Variants in TSPAN18 observed in about 807,000 individuals in gnomAD.
TSPAN18 encodes the protein tetraspanin-18.
A neutral mutation model predicts 27.3 loss-of-function variants in TSPAN18; 14 were observed. That is an observed-to-expected ratio of 0.51 (90% CI 0.34 to 0.80). The LOEUF is 0.80. TSPAN18 is among the 30% of genes least tolerant of loss of function. The pLI is 0.01. For missense variants in TSPAN18, 268 were observed against 323.9 expected (o/e 0.83, Z 1.32); for synonymous variants, 143 against 136.5 (o/e 1.05, Z -0.33).
At position 44,741,032 on chromosome 11, in the gene TSPAN18, TTCTCC is replaced by T. The variant is rs751656368; in HGVS notation, c.-240+13747_-240+13751del. On this transcript the variant is annotated intron_variant, in intron 1 of 9. Coordinates refer to ENST00000520358, the MANE Select transcript of TSPAN18 (RefSeq NM_130783.5). Reference sequence around the variant, plus strand: ...CGCATCACGGGAGTGGGGCTGCTTGTTCTCCTTTTAACTCCAGAGCCTCTGGGTCT... The same window carrying T: ...CGCATCACGGGAGTGGGGCTGCTTGTTTTTAACTCCAGAGCCTCTGGGTCT... 4.6e-5 allele frequency among the ~76,000 whole-genome samples: 7 copies of T among 152,328 alleles called. No individual in the cohort carries two copies. The South Asian group carries it at 1.5e-3, about 32-fold the overall frequency.
chr11:44,858,607 C>T (rs985447460), intron 2 of TSPAN18, among the ~76,000 whole-genome samples: 1 of 152,178 alleles, frequency 6.6e-6, no homozygotes, highest in South Asian at 2.1e-4. Flanking sequence ...AAGACTCCCC[C>T]CTCCATGGAT....
chr11:44,929,131 C>G lies in TSPAN18; in HGVS notation c.700C>G (p.Leu234Val). 7 of 1,613,330 alleles carry G rather than the reference C, an allele frequency of 4.3e-6. No individual in the cohort carries two copies. The highest frequency in any genetic ancestry group is 5.9e-6 in the Non-Finnish European group (7 of 1,179,998). Residue 234 changes from leucine (L) to valine (V), a missense_variant and splice_region_variant, in exon 10 of 10, where the codon CTT becomes GTT. By Grantham distance (32) the Leu-to-Val change is conservative. Transcript: ENST00000520358. ...TCCTGCTCTTTTTCTTTTTTTGCAG[C>G]TTTTCGCCATGATCTTTGCCATGTG... ...ALAIGVLAIE[L>V]FAMIFAMCLF...
chr11:44,896,548 G>A (rs1055148734), intron 3 of TSPAN18, among the ~76,000 whole-genome samples: 6 of 152,084 alleles, frequency 3.9e-5, no homozygotes, highest in South Asian at 4.1e-4. Flanking sequence ...GGTATGTTTA[G>A]GCCAAATAGG....
intron 2 of TSPAN18, among the ~76,000 whole-genome samples, chr11:44,824,388 G>A (rs1590534809): frequency 6.6e-6 from 1 of 152,354 alleles, no homozygotes; most frequent in East Asian, 1.9e-4. Context: ...GGGGCTGGGG[G>A]CAGGGATAGG....
chr11:44,850,323 C>T (rs1004127634), intron 2 of TSPAN18, among the ~76,000 whole-genome samples: 1 of 152,080 alleles, frequency 6.6e-6, no homozygotes, highest in East Asian at 1.9e-4. Context: ...CCAAGAGAAC[C>T]GATGACAATT....
chr11:44,790,065 G>T (rs1306618722), intron 2 of TSPAN18, among the ~76,000 whole-genome samples: 4 of 152,200 alleles, frequency 2.6e-5, no homozygotes. Flanking sequence ...GACATCATGG[G>T]CTTACTGCCC....
chr11:44,837,298 A>T (rs1055620368), intron 2 of TSPAN18, among the ~76,000 whole-genome samples: 1 of 152,208 alleles, frequency 6.6e-6, no homozygotes. Flanking sequence ...ACTTCAGTGG[A>T]GGAAGTAACT....
At chr11:44,729,091 G>C (rs565007801) in intron 1 of TSPAN18, among the ~76,000 whole-genome samples, 7 of 152,298 alleles carry the variant, frequency 4.6e-5, no homozygotes, top group Non-Finnish European at 7.4e-5. Flanking sequence ...ACATGTTTTT[G>C]TTGGATGCTA....
At chr11:44,802,349 G>A (rs1265487181) in intron 2 of TSPAN18, among the ~76,000 whole-genome samples, 3 of 151,506 alleles carry the variant, frequency 2.0e-5, no homozygotes, top group African/African-American at 7.3e-5. Context: ...GGGAGATGGA[G>A]TGAGGGGGTA....
intron 2 of TSPAN18, among the ~76,000 whole-genome samples, chr11:44,780,479 C>A (rs1565145742): frequency 6.6e-6 from 1 of 152,226 alleles, no homozygotes. Flanking sequence ...ATTCACCTAC[C>A]ATCCGTTCAT....
At chr11:44,732,784 A>G in intron 1 of TSPAN18, among the ~76,000 whole-genome samples, 1 of 152,236 alleles carries the variant, frequency 6.6e-6, no homozygotes, top group East Asian at 1.9e-4. Flanking sequence ...TCTGCAATTT[A>G]CTGGCTGTGT....
chr11:44,749,365 C>T (rs927162926), intron 1 of TSPAN18, among the ~76,000 whole-genome samples: 8 of 152,180 alleles, frequency 5.3e-5, no homozygotes, highest in Non-Finnish European at 1.0e-4. Flanking sequence ...TATGTCAGCT[C>T]TTTTTGTGGT....
intron 2 of TSPAN18, among the ~76,000 whole-genome samples, chr11:44,768,019 T>TA (rs1453366843): frequency 6.6e-6 from 1 of 152,244 alleles, no homozygotes; most frequent in Non-Finnish European, 1.5e-5. Context: ...TAGTAACTCT[T>TA]AAAGTTGGGT....
intron 3 of TSPAN18, among the ~76,000 whole-genome samples, chr11:44,872,049 G>A (rs1459916062): frequency 1.3e-5 from 2 of 151,954 alleles, no homozygotes; most frequent in Admixed American, 1.3e-4. Context: ...TCAGACTCCC[G>A]AGTAGCTGGG....
At chr11:44,908,789 AAG>A (rs1431600363) in intron 4 of TSPAN18, among the ~76,000 whole-genome samples, 17 of 112,958 alleles carry the variant, frequency 1.5e-4, no homozygotes, top group Non-Finnish European at 2.2e-4. Flanking sequence ...GAAAGAAAGA[AAG>A]AAAGAAAGAA....
chr11:44,733,092 C>T lies in TSPAN18; in HGVS notation c.-240+5805C>T, dbSNP rs972366165. ...GGAGGTGACACACATCACTTCACCT[C>T]CAGCACCTTGGTCAGAACTGTCATC... On this transcript the variant is annotated intron_variant, in intron 1 of 9. Coordinates refer to ENST00000520358, the MANE Select transcript of TSPAN18 (RefSeq NM_130783.5). Among the ~76,000 whole-genome samples, 3 of 152,178 alleles carry T rather than the reference C, an allele frequency of 2.0e-5. No individual in the cohort carries two copies. The South Asian group carries it at 6.2e-4, about 32-fold the overall frequency.
intron 2 of TSPAN18, among the ~76,000 whole-genome samples, chr11:44,832,718 C>T (rs1590548483): frequency 6.6e-6 from 1 of 152,270 alleles, no homozygotes; most frequent in South Asian, 2.1e-4. Context: ...CCTCCTTCTT[C>T]GATCCTTGCT....
At chr11:44,839,777 CA>C (rs1209680925) in intron 2 of TSPAN18, among the ~76,000 whole-genome samples, 2 of 152,076 alleles carry the variant, frequency 1.3e-5, no homozygotes, top group Non-Finnish European at 2.9e-5. Flanking sequence ...ATTTAGGGAC[CA>C]GGGGGCAACC....
At chr11:44,776,484 G>T (rs565813654) in intron 2 of TSPAN18, among the ~76,000 whole-genome samples, 2 of 152,288 alleles carry the variant, frequency 1.3e-5, no homozygotes, top group Admixed American at 1.3e-4. Context: ...TGAGGATGTG[G>T]GTGGGCTGCA....
Sources: allele counts gnomAD v4.1 joint callset (sites outside exome capture counted in the v4.1 genomes callset), GRCh38; gene constraint gnomAD v4.1.1; transcripts MANE v1.5; gene names NCBI Gene and HGNC (gene_info 2026-07-23, HGNC 2026-07-21).